Variants in PEAK1 observed in about 807,000 individuals in gnomAD.
The protein encoded by PEAK1 is inactive tyrosine-protein kinase PEAK1.
In PEAK1, 54 loss-of-function variants were observed where a neutral mutation model predicts 124.7. The ratio of observed to expected loss-of-function variants is 0.43; its 90% CI spans 0.35 to 0.54. The LOEUF is 0.54. Ranked by LOEUF, PEAK1 falls within the 20% of genes least tolerant of loss-of-function variation. The pLI is 0.01. For synonymous variants in PEAK1, 719 were observed against 760.0 expected, an observed-to-expected ratio of 0.95 and a Z score of 0.89; for missense variants, 2,046 against 2,134.5, an observed-to-expected ratio of 0.96 and a Z score of 0.82.
At chr15:77,143,975 T>C (rs1273314895) in intron 8 of PEAK1, among the ~76,000 whole-genome samples, 1 of 152,216 alleles carries the variant, frequency 6.6e-6, no homozygotes, top group Non-Finnish European at 1.5e-5. Flanking sequence ...TGGGCAGCCA[T>C]GTTCTGCCCA....
At chr15:77,175,319 C>T (rs1309035890) in intron 7 of PEAK1, among the ~76,000 whole-genome samples, 3 of 152,024 alleles carry the variant, frequency 2.0e-5, no homozygotes, top group East Asian at 1.9e-4. Flanking sequence ...ATAGACAACC[C>T]ACAAAATGGG....
intron 1 of PEAK1, among the ~76,000 whole-genome samples, chr15:77,390,953 C>A (rs1372317375): frequency 6.6e-6 from 1 of 152,132 alleles, no homozygotes; most frequent in African/African-American, 2.4e-5. Context: ...AAAAGAAGAA[C>A]TTTTGCCTCT....
At chr15:77,350,384 T>A in intron 2 of PEAK1, 1 of 985,386 alleles carries the variant, frequency 1.0e-6, no homozygotes, top group Non-Finnish European at 1.2e-6. Context: ...AAGACTTCAT[T>A]TGTGCTCAGC....
At chr15:77,238,116 G>A (rs778102670) in intron 6 of PEAK1, among the ~76,000 whole-genome samples, 8 of 151,964 alleles carry the variant, frequency 5.3e-5, no homozygotes, top group Non-Finnish European at 7.4e-5. Context: ...GGTTTTGAAC[G>A]AAAATATTGT....
In PEAK1 at chr15:77,413,080, A is replaced by G. The variant is rs2072544719; in HGVS notation, c.-666+6926T>C. On this transcript the variant is annotated intron_variant, in intron 1 of 9. Coordinates refer to ENST00000682557, the MANE Select transcript of PEAK1 (RefSeq NM_001385026.1). Reference sequence around the variant, plus strand: ...ATTAATAAATGTAGAAAGAATGAGGAAAATTTAAAAAAGTACCTTCAGAAG... The same window carrying G: ...ATTAATAAATGTAGAAAGAATGAGGGAAATTTAAAAAAGTACCTTCAGAAG... Among the ~76,000 whole-genome samples, 3 of 152,336 alleles carry G rather than the reference A, an allele frequency of 2.0e-5. No individual in the cohort carries two copies. The South Asian group carries it at 6.2e-4, about 32-fold the overall frequency.
chr15:77,401,481 G>C (rs2071372906), intron 1 of PEAK1: 1 of 947,752 alleles, frequency 1.1e-6, no homozygotes, highest in African/African-American at 1.8e-5. Context: ...ATCTGCACTA[G>C]TCATAATACA....
At chr15:77,168,949 G>A (rs1253661025) in intron 7 of PEAK1, among the ~76,000 whole-genome samples, 1 of 152,014 alleles carries the variant, frequency 6.6e-6, no homozygotes, top group African/African-American at 2.4e-5. Context: ...TGAAATTCAG[G>A]GGTGGTAGAT....
Position 77,365,738 on chromosome 15 carries a change from T to A in PEAK1, c.-665-513A>T, listed in dbSNP as rs1271751676. 4.4e-5 allele frequency among the ~76,000 whole-genome samples: 4 copies of A among 91,078 alleles called. No homozygotes were observed. The East Asian group carries it at 7.9e-4, about 18-fold the overall frequency. The allele number at this position is 91,078 out of a possible 152,430, so 59.8% of individuals were successfully genotyped here. A position where few individuals can be genotyped will look rare whatever the true frequency, so the allele number is the denominator to read the frequency against. On this transcript the variant is annotated intron_variant, in intron 1 of 9. Coordinates refer to ENST00000682557, the MANE Select transcript of PEAK1 (RefSeq NM_001385026.1). ...ATGGGCGATAGAGCAAGACTCCATC[T>A]CATAAAAAAAAAAAAAAAAAAAAAA...
intron 6 of PEAK1, among the ~76,000 whole-genome samples, chr15:77,224,954 T>C (rs2059563925): frequency 6.6e-6 from 1 of 151,986 alleles, no homozygotes; most frequent in South Asian, 2.1e-4. Context: ...TGTCTTTGCC[T>C]CTAGGTCCTC....
rs145823021 is a variant in PEAK1 at position 77,223,106 on chromosome 15, G to A, written c.-115+29261C>T. Among the ~76,000 whole-genome samples the A allele has an allele frequency of 1.1e-4, 17 of 152,026 alleles. No homozygotes were observed. The East Asian group carries it at 2.5e-3, about 22-fold the overall frequency. Reference sequence around the variant, plus strand: ...ATTAAGTCACTAGTGACTAAATGACGGCCAAAACTGGTCTAAAGAGCTAGA... The same window carrying A: ...ATTAAGTCACTAGTGACTAAATGACAGCCAAAACTGGTCTAAAGAGCTAGA... On this transcript the variant is annotated intron_variant, in intron 6 of 9. Coordinates refer to ENST00000682557, the MANE Select transcript of PEAK1 (RefSeq NM_001385026.1).
At chr15:77,260,722 G>A (rs988697580) in intron 5 of PEAK1, among the ~76,000 whole-genome samples, 5 of 152,180 alleles carry the variant, frequency 3.3e-5, no homozygotes, top group South Asian at 4.1e-4. Context: ...CAGCGTGAGC[G>A]ACACAGAAGA....
rs1279043170 is a variant in PEAK1, at chr15:77,113,322, C to T, written c.*834G>A. 1 of 152,304 alleles carries T rather than the reference C, an allele frequency of 6.6e-6. No individual in the cohort carries two copies. The highest frequency in any genetic ancestry group is 1.9e-4 in the East Asian group (1 of 5,200). The allele number at this position is 152,304 out of a possible 1,614,324, so 9.4% of individuals were successfully genotyped here. Reference sequence around the variant, plus strand: ...AGAATTGCACATGCAAGAAAATCATCTCCTCATGCCCTGCCAGCTATTTAT... The same window carrying T: ...AGAATTGCACATGCAAGAAAATCATTTCCTCATGCCCTGCCAGCTATTTAT... On this transcript the variant is annotated 3_prime_UTR_variant, in exon 10 of 10. Coordinates refer to ENST00000682557, the MANE Select transcript of PEAK1 (RefSeq NM_001385026.1).
chr15:77,271,241 A>C (rs569071524), intron 5 of PEAK1, among the ~76,000 whole-genome samples: 1 of 152,354 alleles, frequency 6.6e-6, no homozygotes, highest in East Asian at 1.9e-4. Flanking sequence ...ATACCATCTC[A>C]CAGCAGTTAG....
At chr15:77,210,293 G>A (rs1384320640) in intron 6 of PEAK1, among the ~76,000 whole-genome samples, 1 of 152,100 alleles carries the variant, frequency 6.6e-6, no homozygotes, top group Admixed American at 6.5e-5. Context: ...TATATTGATG[G>A]ACAAGTCATT....
chr15:77,138,874 A>AT (rs1413957411), intron 8 of PEAK1, among the ~76,000 whole-genome samples: 1 of 151,878 alleles, frequency 6.6e-6, no homozygotes, highest in Non-Finnish European at 1.5e-5. Context: ...AAAAAAAAAA[A>AT]AAATTGTTTT....
chr15:77,292,232 C>T (rs1199960656), intron 2 of PEAK1, among the ~76,000 whole-genome samples: 2 of 152,062 alleles, frequency 1.3e-5, no homozygotes, highest in African/African-American at 4.8e-5. Flanking sequence ...TTCTAGGAGC[C>T]TCTGGTCACA....
chr15:77,406,298 A>T (rs1447845688), intron 1 of PEAK1, among the ~76,000 whole-genome samples: 1 of 152,222 alleles, frequency 6.6e-6, no homozygotes, highest in Non-Finnish European at 1.5e-5. Flanking sequence ...GATAAGAGAA[A>T]GAAATAAAGG....
intron 8 of PEAK1, among the ~76,000 whole-genome samples, chr15:77,152,128 T>C (rs975691704): frequency 2.0e-5 from 3 of 152,202 alleles, no homozygotes; most frequent in Non-Finnish European, 4.4e-5. Context: ...GAACATGTAA[T>C]GTTCTTCCAT....
chr15:77,404,769 GAGC>G, intron 1 of PEAK1: 1 of 966,422 alleles, frequency 1.0e-6, no homozygotes, highest in Non-Finnish European at 1.2e-6. Context: ...CAGAAAAAAA[GAGC>G]AGGTTATCAG....
Sources: allele counts gnomAD v4.1 joint callset (sites outside exome capture counted in the v4.1 genomes callset), GRCh38; gene constraint gnomAD v4.1.1; transcripts MANE v1.5; gene names NCBI Gene and HGNC (gene_info 2026-07-23, HGNC 2026-07-21).